The following MEPE variants were observed in gnomAD, a reference collection of about 807,000 sequenced individuals.
MEPE encodes matrix extracellular phosphoglycoprotein, also known as matrix, extracellular phosphoglycoprotein with ASARM motif (bone).
A neutral mutation model predicts 7.3 loss-of-function variants in MEPE; 7 were observed. That is an observed-to-expected ratio of 0.95 (90% CI 0.54 to 1.79). The LOEUF is 1.79. Among genes scored for constraint, MEPE ranks in the 40% most tolerant of loss-of-function variants. The pLI is 0.00. For missense variants in MEPE, 623 were observed against 628.2 expected (o/e 0.99, Z 0.09); for synonymous variants, 214 against 213.1 (o/e 1.00, Z -0.04).
intron 3 of MEPE, chr4:87,839,778 G>T (rs1002844677): frequency 6.5e-7 from 1 of 1,548,832 alleles, no homozygotes; most frequent in Non-Finnish European, 8.7e-7. Context: ...TGATGTAAAG[G>T]TAAGCTGAAT....
At chr4:87,843,100 A>G (rs949450549) in intron 3 of MEPE, among the ~76,000 whole-genome samples, 4 of 152,174 alleles carry the variant, frequency 2.6e-5, no homozygotes, top group Admixed American at 6.5e-5. Context: ...GGGCACCAGA[A>G]GAAGGGGTTT....
upstream of MEPE, among the ~76,000 whole-genome samples, chr4:87,828,098 A>G (rs538564114): frequency 1.2e-4 from 18 of 152,216 alleles, no homozygotes; most frequent in African/African-American, 4.3e-4. Flanking sequence ...CTCATTCTGG[A>G]CTCTTATTTT....
intron 1 of MEPE, among the ~76,000 whole-genome samples, chr4:87,821,762 C>T (rs945263112): frequency 5.3e-5 from 8 of 152,064 alleles, no homozygotes; most frequent in South Asian, 2.1e-4. Context: ...GCCCCGTAAG[C>T]CTGCAAGGGT....
intron 1 of MEPE, among the ~76,000 whole-genome samples, chr4:87,826,643 C>A (rs550805822): frequency 2.0e-5 from 3 of 152,230 alleles, no homozygotes; most frequent in Non-Finnish European, 4.4e-5. Flanking sequence ...TGCAGCCTCA[C>A]CAACATCTGT....
In MEPE at chr4:87,845,197, A is replaced by G. The variant is rs774251812; in HGVS notation, c.329A>G (p.Asn110Ser). 1 of 1,613,890 alleles carries G rather than the reference A, an allele frequency of 6.2e-7. No homozygotes were observed. Among genetic ancestry groups the G allele is most frequent in the African/African-American group, 1.3e-5 (1 of 74,918 alleles). Residue 110 changes from asparagine to serine, a missense_variant, in exon 4 of 4, where the codon AAT becomes AGT. Coordinates refer to ENST00000361056, the MANE Select transcript of MEPE (RefSeq NM_020203.6). The stretch of plus-strand genomic sequence containing the variant: ...ATCAGTAACAAAGAGAATACTCACA[A>G]TGGCCTGAGGATGTCAATTTATCCT... ...YSISNKENTH[N>S]GLRMSIYPKS...
chr4:87,822,937 T>C (rs1338323038), intron 1 of MEPE, among the ~76,000 whole-genome samples: 1 of 152,156 alleles, frequency 6.6e-6, no homozygotes, highest in Non-Finnish European at 1.5e-5. Context: ...TGGTCCCATA[T>C]GTAATCCATA....
chr4:87,838,714 T>A (rs1286650989), intron 3 of MEPE, 29 bp downstream of exon 3: 1 of 1,599,934 alleles, frequency 6.3e-7, no homozygotes, highest in Non-Finnish European at 8.6e-7. Context: ...TTCAAATAAC[T>A]CTATTTCAGC....
At chr4:87,835,687 G>A (rs1296499315) in intron 2 of MEPE, among the ~76,000 whole-genome samples, 1 of 152,088 alleles carries the variant, frequency 6.6e-6, no homozygotes, top group Non-Finnish European at 1.5e-5. Context: ...GTGCAGTACA[G>A]TACTGTGGAG....
chr4:87,830,843 GTT>G, upstream of MEPE, among the ~76,000 whole-genome samples: 1 of 151,218 alleles, frequency 6.6e-6, no homozygotes, highest in Non-Finnish European at 1.5e-5. Flanking sequence ...AAAAGAGAGA[GTT>G]AGCTTGACCT....
chr4:87,824,274 A>G (rs1010462553), intron 1 of MEPE, among the ~76,000 whole-genome samples: 5 of 152,244 alleles, frequency 3.3e-5, no homozygotes, highest in African/African-American at 9.6e-5. Flanking sequence ...AACCAAGATC[A>G]AGCTTCCCCT....
chr4:87,822,187 C>T (rs956724778), intron 1 of MEPE, among the ~76,000 whole-genome samples: 1 of 152,162 alleles, frequency 6.6e-6, no homozygotes, highest in African/African-American at 2.4e-5. Context: ...AACTTCCACT[C>T]AACACTCAGT....
intron 3 of MEPE, 38 bp from the exon 4 acceptor site, chr4:87,844,939 C>G: frequency 4.3e-6 from 6 of 1,389,388 alleles, no homozygotes; most frequent in Non-Finnish European, 5.8e-6. Context: ...AAAAATTTTA[C>G]ATAAAATAAT....
chr4:87,839,595 C>A, intron 3 of MEPE: 1 of 884,992 alleles, frequency 1.1e-6, no homozygotes, highest in Non-Finnish European at 1.7e-6. Flanking sequence ...CTTCACCCAA[C>A]TTTTAAAGTT....
chr4:87,842,102 G>A (rs1360152514), intron 3 of MEPE, among the ~76,000 whole-genome samples: 1 of 152,150 alleles, frequency 6.6e-6, no homozygotes, highest in Non-Finnish European at 1.5e-5. Flanking sequence ...AGATCACACA[G>A]CCCATAAACG....
Position 87,845,582 on chromosome 4 carries a change from C to T in MEPE, c.714C>T (p.Gly238=). ...KVKKIPSDFE[G]SGYTDLQERG... ...AAAAAATCCCCAGTGATTTTGAAGG[C>T]AGCGGTTATACAGATCTTCAAGAGA... The change falls in exon 4 of 4, where the codon GGC becomes GGT. Residue 238 remains glycine (G), a synonymous_variant. Transcript: ENST00000361056. 1 of 1,612,660 alleles carries T rather than the reference C, an allele frequency of 6.2e-7. No individual in the cohort carries two copies. The highest frequency in any genetic ancestry group is 8.5e-7 in the Non-Finnish European group (1 of 1,179,652).
At position 87,846,593 on chromosome 4, in the gene MEPE, AATTT is replaced by A; in HGVS notation, c.*148_*151del. ...CCAAGAATCCTGGTCTCCTTGGGGG[AATTT>A]TTGCTATCTTAATAGTCACAGTATA... is the stretch of plus-strand genomic sequence containing the variant. On this transcript the variant is annotated 3_prime_UTR_variant, in exon 4 of 4. Coordinates refer to ENST00000361056, the MANE Select transcript of MEPE (RefSeq NM_020203.6). 1 of 831,926 alleles carries A rather than the reference AATTT, an allele frequency of 1.2e-6. No homozygotes were observed. Among genetic ancestry groups the A allele is most frequent in the Non-Finnish European group, 1.8e-6 (1 of 548,290 alleles). The allele number at this position is 831,926 out of a possible 1,614,324, so 51.5% of individuals were successfully genotyped here.
chr4:87,823,000 C>A (rs530124186), intron 1 of MEPE, among the ~76,000 whole-genome samples: 1 of 152,210 alleles, frequency 6.6e-6, no homozygotes, highest in African/African-American at 2.4e-5. Flanking sequence ...TGCAGCAGAG[C>A]AGCTCCCCTG....
rs773091098 is a variant in MEPE, at chr4:87,845,327, T to C, written c.459T>C (p.His153=). 6.2e-7 allele frequency: 1 copy of C among 1,613,794 alleles called. No homozygotes were observed. The highest frequency in any genetic ancestry group is 8.5e-7 in the Non-Finnish European group (1 of 1,179,908). The change falls in exon 4 of 4, where the codon CAT becomes CAC. Residue 153 remains histidine, a synonymous_variant. Transcript: ENST00000361056. Reference sequence around the variant, plus strand: ...CTCTCATCAGAAATAACATGCAACATATAATGGGGCCAGTGACTGCGATTA... The same window carrying C: ...CTCTCATCAGAAATAACATGCAACACATAATGGGGCCAGTGACTGCGATTA... ...GAALIRNNMQ[H]IMGPVTAIKL... is the part of the protein sequence containing the mutation.
At chr4:87,838,585 A>C in intron 2 of MEPE, 47 bp from the exon 3 acceptor site, 1 of 1,539,922 alleles carries the variant, frequency 6.5e-7, no homozygotes, top group South Asian at 1.1e-5. Context: ...AAGTTAATGA[A>C]ATAGAATGTT....
Sources: gnomAD v4.1 joint callset for allele counts (sites outside exome capture counted in the v4.1 genomes callset) on GRCh38, gnomAD v4.1.1 for gene constraint, MANE v1.5 for transcripts, NCBI Gene and HGNC (gene_info 2026-07-23, HGNC 2026-07-21) for gene names.